The following TJP1 variants were observed in gnomAD, a reference collection of about 807,000 sequenced individuals.
The protein encoded by TJP1 is tight junction protein ZO-1.
A neutral mutation model predicts 194.2 loss-of-function variants in TJP1; 43 were observed. The observed-to-expected ratio is 0.22, with a 90% CI of 0.17 to 0.29. The LOEUF is 0.29. Ranked by LOEUF, TJP1 falls within the 10% of genes least tolerant of loss-of-function variation. The pLI, the probability that TJP1 is intolerant of heterozygous loss-of-function variation, is 1.00. For synonymous variants in TJP1, 801 were observed against 779.0 expected (o/e 1.03, Z -0.47); for missense variants, 1,971 against 2,185.7 (o/e 0.90, Z 1.96).
chr15:29,759,664 T>C lies in TJP1; in HGVS notation c.1010+1475A>G, dbSNP rs141462346. 120 of 152,432 alleles carry C rather than the reference T, an allele frequency of 7.9e-4. 1 individual carries two copies. In the East Asian group the frequency reaches 0.021, roughly 26 times the overall value. The allele number at this position is 152,432 out of a possible 1,614,324, so 9.4% of individuals were successfully genotyped here. A position where few individuals can be genotyped will look rare whatever the true frequency, so the allele number is the denominator to read the frequency against. ...ACCCCTGGTAACCACCATTCTACTG[T>C]CTGTTTCTATGAGTTCAACTTGCTT... On this transcript the variant is annotated intron_variant, in intron 8 of 27. Coordinates refer to ENST00000614355, the MANE Select transcript of TJP1 (RefSeq NM_001330239.4).
chr15:29,849,882 A>T (rs949884503), intron 2 of TJP1, among the ~76,000 whole-genome samples: 5 of 152,000 alleles, frequency 3.3e-5, no homozygotes, highest in Non-Finnish European at 5.9e-5. Context: ...GCCATTAGTG[A>T]CTCACTTCTA....
At chr15:29,837,270 C>T (rs543834417) in intron 2 of TJP1, among the ~76,000 whole-genome samples, 1 of 152,124 alleles carries the variant, frequency 6.6e-6, no homozygotes, top group Non-Finnish European at 1.5e-5. Flanking sequence ...TTCTCTGATA[C>T]AGGAGTTTAT....
intron 2 of TJP1, among the ~76,000 whole-genome samples, chr15:29,782,853 C>A (rs1253676053): frequency 1.4e-4 from 1 of 6,964 alleles, no homozygotes; most frequent in Non-Finnish European, 5.2e-4. Context: ...AAAAAACAAC[C>A]CCCATTAGAA....
At chr15:29,964,308 ATCTG>A (rs1383937505) in intron 1 of TJP1, among the ~76,000 whole-genome samples, 1 of 152,214 alleles carries the variant, frequency 6.6e-6, no homozygotes, top group Non-Finnish European at 1.5e-5. Context: ...CTGCAGAAGA[ATCTG>A]TCTGCATATG....
At chr15:29,889,545 A>G (rs539850168) in intron 2 of TJP1, among the ~76,000 whole-genome samples, 1 of 152,386 alleles carries the variant, frequency 6.6e-6, no homozygotes, top group African/African-American at 2.4e-5. Context: ...TAACTTCAGT[A>G]AACTGAATGC....
chr15:29,737,146 G>A, intron 11 of TJP1, 118 bp downstream of exon 11: 1 of 1,255,008 alleles, frequency 8.0e-7, no homozygotes, highest in Non-Finnish European at 1.1e-6. Context: ...AGTTTAACTG[G>A]CTCAATGGAG....
At chr15:29,956,434 G>A (rs1439265468) in intron 1 of TJP1, 1 of 1,218,512 alleles carries the variant, frequency 8.2e-7, no homozygotes, top group Non-Finnish European at 1.1e-6. Flanking sequence ...TTTGAGGTAA[G>A]CATTTACTCA....
At chr15:29,807,171 T>C (rs1259278726) in intron 1 of TJP1, among the ~76,000 whole-genome samples, 1 of 152,188 alleles carries the variant, frequency 6.6e-6, no homozygotes, top group Non-Finnish European at 1.5e-5. Flanking sequence ...TGGATATGAT[T>C]AGGAAATATT....
intron 5 of TJP1, among the ~76,000 whole-genome samples, chr15:29,763,106 C>T (rs1380110991): frequency 6.6e-6 from 1 of 152,140 alleles, no homozygotes; most frequent in African/African-American, 2.4e-5. Context: ...AGTGCAAAGG[C>T]TTACAACCAG....
intron 1 of TJP1, among the ~76,000 whole-genome samples, chr15:29,966,681 T>C (rs1248806611): frequency 6.6e-6 from 1 of 151,946 alleles, no homozygotes; most frequent in African/African-American, 2.4e-5. Flanking sequence ...TTTACAGTAA[T>C]GGATGAAACA....
At chr15:29,717,959 T>C in intron 22 of TJP1, 62 bp downstream of exon 22, 2 of 1,402,780 alleles carry the variant, frequency 1.4e-6, no homozygotes, top group South Asian at 1.2e-5. Context: ...GGTTTTCTTA[T>C]TGACTAAGAG....
At chr15:29,938,152 T>C (rs16954859) in intron 2 of TJP1, among the ~76,000 whole-genome samples, 4,180 of 152,338 alleles carry the variant, frequency 0.027, 165 homozygotes, top group African/African-American at 0.089. Context: ...CATGAATGTA[T>C]TGAATTACGT....
chr15:29,959,755 ATTAATT>A (rs1165684465), intron 1 of TJP1, among the ~76,000 whole-genome samples: 7 of 152,184 alleles, frequency 4.6e-5, no homozygotes, highest in Non-Finnish European at 1.5e-5. Context: ...TCAGATTATT[ATTAATT>A]TTGTCGTAGC....
intron 1 of TJP1, among the ~76,000 whole-genome samples, chr15:29,812,998 GA>G (rs201206538): frequency 5.3e-4 from 79 of 148,704 alleles, no homozygotes; most frequent in South Asian, 5.1e-3. Flanking sequence ...GCCACTGTTA[GA>G]AAAAAAAAAT....
intron 1 of TJP1, chr15:29,820,532 T>C (rs895381878): frequency 5.6e-6 from 4 of 716,810 alleles, no homozygotes; most frequent in Non-Finnish European, 1.0e-5. Flanking sequence ...CCTACCTTAC[T>C]GTGGCAATCC....
chr15:29,929,255 G>A (rs924554489), intron 2 of TJP1, among the ~76,000 whole-genome samples: 3 of 152,116 alleles, frequency 2.0e-5, no homozygotes, highest in Non-Finnish European at 4.4e-5. Context: ...AAACCATAAA[G>A]GATATTAGGA....
At chr15:29,949,661 T>A (rs962399240) in intron 2 of TJP1, among the ~76,000 whole-genome samples, 26 of 48,096 alleles carry the variant, frequency 5.4e-4, no homozygotes, top group East Asian at 4.1e-3. Context: ...CACCTCCACC[T>A]CCACAACCAC....
chr15:29,829,038 CA>C (rs2050757627), intron 2 of TJP1, among the ~76,000 whole-genome samples: 1 of 152,166 alleles, frequency 6.6e-6, no homozygotes, highest in South Asian at 2.1e-4. Context: ...AGGCATGAGC[CA>C]CCATGCCGGG....
intron 2 of TJP1, among the ~76,000 whole-genome samples, chr15:29,831,069 C>G (rs898974136): frequency 6.6e-6 from 1 of 152,092 alleles, no homozygotes; most frequent in Non-Finnish European, 1.5e-5. Context: ...CAAGAGAGCC[C>G]CCAAAACAAA....
Sources: allele counts gnomAD v4.1 joint callset (sites outside exome capture counted in the v4.1 genomes callset), GRCh38; gene constraint gnomAD v4.1.1; transcripts MANE v1.5; gene names NCBI Gene and HGNC (gene_info 2026-07-23, HGNC 2026-07-21).